The following EDIL3 variants were observed in gnomAD, a reference collection of about 807,000 sequenced individuals.
EDIL3 encodes the protein EGF like and discoidin domains 3.
A neutral mutation model predicts 67.4 loss-of-function variants in EDIL3; 37 were observed. The observed-to-expected ratio is 0.55, with a 90% CI of 0.42 to 0.72. EDIL3 has a LOEUF of 0.72. EDIL3 is among the 30% of genes least tolerant of loss of function. The pLI, the probability that EDIL3 is intolerant of heterozygous loss-of-function variation, is 0.00. For synonymous variants in EDIL3, 195 were observed against 196.3 expected, an observed-to-expected ratio of 0.99 and a Z score of 0.05; for missense variants, 527 against 586.3, an observed-to-expected ratio of 0.90 and a Z score of 1.04.
intron 3 of EDIL3, among the ~76,000 whole-genome samples, chr5:84,226,726 G>A (rs989863385): frequency 7.2e-5 from 11 of 151,748 alleles, no homozygotes; most frequent in African/African-American, 2.7e-4. Flanking sequence ...TATTCCTTAA[G>A]AGCACATTTG....
chr5:83,963,168 C>T (rs1334227633), intron 10 of EDIL3, 37 bp downstream of exon 10: 2 of 1,554,020 alleles, frequency 1.3e-6, no homozygotes, highest in Admixed American at 2.0e-5. Context: ...TTTGATCCTC[C>T]ACTTCTGAAC....
chr5:83,943,631 G>A, intron 10 of EDIL3, 63 bp from the exon 11 acceptor site: 17 of 1,569,320 alleles, frequency 1.1e-5, no homozygotes, highest in East Asian at 4.6e-5. Context: ...TTATTTTTAT[G>A]TTCCTGTTTG....
At position 84,077,101 on chromosome 5, in the gene EDIL3, A is replaced by G. The variant is rs950562636; in HGVS notation, c.652-10495T>C. Among the ~76,000 whole-genome samples the G allele has an allele frequency of 5.3e-5, 8 of 152,300 alleles. No homozygotes were observed. The East Asian group carries it at 9.6e-4, about 18-fold the overall frequency. On this transcript the variant is annotated intron_variant, in intron 6 of 10. Coordinates refer to ENST00000296591, the MANE Select transcript of EDIL3 (RefSeq NM_005711.5). ...AATTGGATACTCTCTTTTTTTACTC[A>G]TAAGTGTGTAAAATAGAGATAAATA...
At chr5:84,119,212 G>GTTT (rs66522256) in intron 5 of EDIL3, among the ~76,000 whole-genome samples, 29,746 of 82,192 alleles carry the variant, frequency 0.36, 6,582 homozygotes, top group South Asian at 0.44. Context: ...CATGCATTTG[G>GTTT]TTTTTTTTTT....
chr5:84,364,047 A>T (rs1440770790), intron 1 of EDIL3, among the ~76,000 whole-genome samples: 2 of 152,180 alleles, frequency 1.3e-5, no homozygotes, highest in Non-Finnish European at 2.9e-5. Context: ...TAAAATATAC[A>T]AACACAACCA....
At chr5:84,018,536 C>T (rs1025713627) in intron 9 of EDIL3, among the ~76,000 whole-genome samples, 1 of 152,128 alleles carries the variant, frequency 6.6e-6, no homozygotes, top group East Asian at 1.9e-4. Flanking sequence ...TCACACTCAA[C>T]CTTATTCTAC....
At chr5:84,068,913 T>C (rs1044427976) in intron 6 of EDIL3, among the ~76,000 whole-genome samples, 2 of 152,280 alleles carry the variant, frequency 1.3e-5, no homozygotes, top group Non-Finnish European at 2.9e-5. Context: ...GGAGGAAATA[T>C]ATAGTATGAT....
chr5:84,043,857 G>A (rs1746174777), intron 9 of EDIL3, among the ~76,000 whole-genome samples: 1 of 152,118 alleles, frequency 6.6e-6, no homozygotes, highest in South Asian at 2.1e-4. Context: ...ATATTCCAAA[G>A]CGGTTCCTAT....
chr5:84,302,783 G>A (rs911112278), intron 1 of EDIL3, among the ~76,000 whole-genome samples: 4 of 152,056 alleles, frequency 2.6e-5, no homozygotes, highest in African/African-American at 9.7e-5. Flanking sequence ...TGGGGCCCAT[G>A]GAAACAATAG....
intron 1 of EDIL3, among the ~76,000 whole-genome samples, chr5:84,325,707 T>G (rs963152049): frequency 2.0e-5 from 3 of 152,074 alleles, no homozygotes; most frequent in African/African-American, 7.2e-5. Context: ...GCAGCATTAT[T>G]CACAATGGCT....
At chr5:84,363,309 T>C (rs1210421407) in intron 1 of EDIL3, among the ~76,000 whole-genome samples, 1 of 151,702 alleles carries the variant, frequency 6.6e-6, no homozygotes, top group Admixed American at 6.6e-5. Context: ...ATACAAAAAT[T>C]AGCTGTGGTG....
intron 1 of EDIL3, among the ~76,000 whole-genome samples, chr5:84,353,612 G>T (rs1018836886): frequency 1.2e-4 from 18 of 152,072 alleles, no homozygotes; most frequent in African/African-American, 4.1e-4. Flanking sequence ...TCAGAACAAA[G>T]AATAAATAAT....
At chr5:84,204,113 T>C (rs1311918538) in intron 3 of EDIL3, among the ~76,000 whole-genome samples, 2 of 152,230 alleles carry the variant, frequency 1.3e-5, no homozygotes, top group Non-Finnish European at 2.9e-5. Flanking sequence ...GAAGAATGTT[T>C]ACAACATTTA....
rs531275019 is a variant in EDIL3 at position 84,027,715 on chromosome 5, A to G, written c.1137+32585T>C. On this transcript the variant is annotated intron_variant, in intron 9 of 10. Transcript: ENST00000296591. ...GTGCTTATTATACAGGATAGACAGC[A>G]GGGAGTGGGATGAGAGAGGGAAGTG... Among the ~76,000 whole-genome samples the G allele has an allele frequency of 2.0e-5, 3 of 152,204 alleles. No homozygotes were observed. The South Asian group carries it at 6.2e-4, about 32-fold the overall frequency.
chr5:84,142,352 T>A (rs1748214529), intron 4 of EDIL3, among the ~76,000 whole-genome samples: 1 of 151,976 alleles, frequency 6.6e-6, no homozygotes, highest in Non-Finnish European at 1.5e-5. Flanking sequence ...AACAGAGAAT[T>A]CTTGAGTCTA....
chr5:84,333,731 T>C (rs7724763), intron 1 of EDIL3, among the ~76,000 whole-genome samples: 144,682 of 152,192 alleles, frequency 0.95, 69,025 homozygotes, highest in Non-Finnish European at 0.97. Flanking sequence ...TTTCCTACTA[T>C]AGCATACTTA....
At chr5:84,094,620 A>G (rs1747229564) in intron 6 of EDIL3, among the ~76,000 whole-genome samples, 1 of 152,214 alleles carries the variant, frequency 6.6e-6, no homozygotes, top group Non-Finnish European at 1.5e-5. Flanking sequence ...TACACATTAC[A>G]TACAGACATA....
At chr5:84,050,690 C>T (rs1048269661) in intron 9 of EDIL3, among the ~76,000 whole-genome samples, 2 of 152,232 alleles carry the variant, frequency 1.3e-5, no homozygotes, top group Admixed American at 6.5e-5. Context: ...TCAGAGGGTC[C>T]CACGCCCACA....
intron 7 of EDIL3, among the ~76,000 whole-genome samples, chr5:84,065,347 G>T (rs1268435142): frequency 1.3e-5 from 2 of 152,044 alleles, no homozygotes; most frequent in Non-Finnish European, 2.9e-5. Context: ...CATGTACTTG[G>T]ATAATAGAAT....
Sources: allele counts gnomAD v4.1 joint callset (sites outside exome capture counted in the v4.1 genomes callset), GRCh38; gene constraint gnomAD v4.1.1; transcripts MANE v1.5; gene names NCBI Gene and HGNC (gene_info 2026-07-23, HGNC 2026-07-21).